The following CYTH3 variants were observed in gnomAD, a reference collection of about 807,000 sequenced individuals.
CYTH3 encodes the protein cytohesin-3.
CYTH3 carries 23 observed loss-of-function variants against 55.1 expected under a neutral mutation model. The observed-to-expected ratio is 0.42, with a 90% CI of 0.30 to 0.59. The LOEUF is 0.59. Among genes scored for constraint, CYTH3 ranks in the 20% least tolerant of loss-of-function variants. The pLI is 0.20. For missense variants in CYTH3, 413 were observed against 524.8 expected, an observed-to-expected ratio of 0.79 and a Z score of 2.08; for synonymous variants, 249 against 194.9, an observed-to-expected ratio of 1.28 and a Z score of -2.31.
chr7:6,174,737 C>G (rs532856094), intron 5 of CYTH3, among the ~76,000 whole-genome samples: 1 of 151,632 alleles, frequency 6.6e-6, no homozygotes, highest in African/African-American at 2.4e-5. Context: ...TTAGTAGAGA[C>G]GGGGTTTCAC....
chr7:6,237,078 T>A (rs565117681), intron 1 of CYTH3, among the ~76,000 whole-genome samples: 1 of 152,262 alleles, frequency 6.6e-6, no homozygotes, highest in Admixed American at 6.5e-5. Flanking sequence ...GAGAAGCAGC[T>A]CAAAGAATTC....
At chr7:6,208,080 T>C (rs943775454) in intron 1 of CYTH3, among the ~76,000 whole-genome samples, 4 of 152,226 alleles carry the variant, frequency 2.6e-5, no homozygotes, top group Admixed American at 6.5e-5. Context: ...TATATATCTA[T>C]CTATTGCTTC....
chr7:6,255,762 T>TC (rs1273615596), intron 1 of CYTH3, among the ~76,000 whole-genome samples: 3 of 134,950 alleles, frequency 2.2e-5, no homozygotes, highest in Admixed American at 1.4e-4. Context: ...TAATCTGTTT[T>TC]TTTTTTTTTT....
intron 1 of CYTH3, among the ~76,000 whole-genome samples, chr7:6,243,253 G>A (rs905074803): frequency 6.6e-6 from 1 of 152,174 alleles, no homozygotes; most frequent in Non-Finnish European, 1.5e-5. Context: ...AGAGCCCAGC[G>A]GGCTGGGCCT....
Position 6,173,444 on chromosome 7 carries a change from C to T in CYTH3, c.449+209G>A, listed in dbSNP as rs115897837. Among the ~76,000 whole-genome samples the T allele has an allele frequency of 1.3e-3, 194 of 152,346 alleles. 1 individual carries two copies. Among genetic ancestry groups the T allele is most frequent in the African/African-American group, 4.5e-3 (186 of 41,578 alleles). On this transcript the variant is annotated intron_variant, in intron 6 of 12. Coordinates refer to ENST00000350796, the MANE Select transcript of CYTH3 (RefSeq NM_004227.4). ...ATCAGCGGCCACAGTGAGGAAAGCA[C>T]GGCCCTTATCTTAAGCGTGTGCCCC...
rs944210138 is a variant in CYTH3 at position 6,164,774 on chromosome 7, C to A, written c.*170G>T. On this transcript the variant is annotated 3_prime_UTR_variant, in exon 13 of 13. Coordinates refer to ENST00000350796, the MANE Select transcript of CYTH3 (RefSeq NM_004227.4). Reference sequence around the variant, plus strand: ...TGCAGGGCGACCACCTCCCAGGACCCCAGCCACGGCACGAGGCCTTGGGGA... The same window carrying A: ...TGCAGGGCGACCACCTCCCAGGACCACAGCCACGGCACGAGGCCTTGGGGA... The A allele has an allele frequency of 4.5e-5, 34 of 751,438 alleles. No individual in the cohort carries two copies. The highest frequency in any genetic ancestry group is 7.3e-5 in the Non-Finnish European group (32 of 440,722). The allele number at this position is 751,438 out of a possible 1,614,324, so 46.5% of individuals were successfully genotyped here.
chr7:6,202,023 G>A (rs1233443229), intron 1 of CYTH3, among the ~76,000 whole-genome samples: 1 of 152,188 alleles, frequency 6.6e-6, no homozygotes, highest in Non-Finnish European at 1.5e-5. Context: ...GAAAAACACA[G>A]CCATGGTATT....
intron 5 of CYTH3, among the ~76,000 whole-genome samples, chr7:6,175,801 C>T (rs532212475): frequency 1.3e-5 from 2 of 152,218 alleles, no homozygotes; most frequent in South Asian, 4.1e-4. Context: ...CCCGTCTCAG[C>T]CTCCCAAAAT....
intron 1 of CYTH3, among the ~76,000 whole-genome samples, chr7:6,271,035 C>T (rs1780636161): frequency 6.6e-6 from 1 of 152,156 alleles, no homozygotes; most frequent in South Asian, 2.1e-4. Context: ...AACAGCTATG[C>T]CCAAATTGTG....
intron 5 of CYTH3, among the ~76,000 whole-genome samples, 166 bp downstream of exon 5, chr7:6,177,657 G>A (rs549520581): frequency 1.3e-5 from 2 of 152,354 alleles, no homozygotes; most frequent in Non-Finnish European, 2.9e-5. Context: ...GAGAGGAACC[G>A]GTTGCACTGG....
intron 1 of CYTH3, among the ~76,000 whole-genome samples, chr7:6,206,821 C>G (rs989145682): frequency 2.0e-5 from 3 of 152,096 alleles, no homozygotes; most frequent in African/African-American, 7.2e-5. Context: ...CCACCTCTAC[C>G]TTATATCCTG....
chr7:6,232,300 G>A (rs868704141), intron 1 of CYTH3, among the ~76,000 whole-genome samples: 1 of 152,082 alleles, frequency 6.6e-6, no homozygotes, highest in Non-Finnish European at 1.5e-5. Context: ...GAAGCACCCC[G>A]GGACACACTC....
intron 1 of CYTH3, among the ~76,000 whole-genome samples, chr7:6,258,352 ATATT>A (rs1276895747): frequency 6.6e-6 from 1 of 151,836 alleles, no homozygotes; most frequent in Non-Finnish European, 1.5e-5. Context: ...AACTCCTCAT[ATATT>A]TATTTGTGAA....
intron 1 of CYTH3, among the ~76,000 whole-genome samples, chr7:6,203,977 A>G (rs549592738): frequency 6.6e-6 from 1 of 152,166 alleles, no homozygotes; most frequent in East Asian, 1.9e-4. Context: ...TCAGCCTCCC[A>G]AAGTGCTGGG....
chr7:6,168,238 T>TC (rs1783067934), intron 9 of CYTH3, among the ~76,000 whole-genome samples: 2 of 151,456 alleles, frequency 1.3e-5, no homozygotes, highest in Non-Finnish European at 2.9e-5. Flanking sequence ...TTTTTTTTTT[T>TC]TCTGGTGATT....
chr7:6,264,776 C>T lies in CYTH3; in HGVS notation c.34+7698G>A, dbSNP rs530345651. Reference sequence around the variant, plus strand: ...TTAACAAATATTTACTGAAAGGCTACTATGTACCAAGCACTGTTCTAGATC... The same window carrying T: ...TTAACAAATATTTACTGAAAGGCTATTATGTACCAAGCACTGTTCTAGATC... On this transcript the variant is annotated intron_variant, in intron 1 of 12. Transcript: ENST00000350796. 2.0e-5 allele frequency among the ~76,000 whole-genome samples: 3 copies of T among 152,312 alleles called. No homozygotes were observed. The South Asian group carries it at 6.2e-4, about 32-fold the overall frequency.
At chr7:6,225,614 T>G (rs574862833) in intron 1 of CYTH3, among the ~76,000 whole-genome samples, 1 of 151,952 alleles carries the variant, frequency 6.6e-6, no homozygotes, top group Admixed American at 6.6e-5. Flanking sequence ...CCTTGGCCTC[T>G]CAAAGTGCTG....
intron 9 of CYTH3, among the ~76,000 whole-genome samples, chr7:6,168,648 C>G (rs1783082444): frequency 6.6e-6 from 1 of 152,254 alleles, no homozygotes; most frequent in African/African-American, 2.4e-5. Flanking sequence ...GCGCTTGGCA[C>G]CCGGCGCCCA....
chr7:6,165,122 T>C, intron 12 of CYTH3, 106 bp from the exon 13 acceptor site: 2 of 1,569,960 alleles, frequency 1.3e-6, no homozygotes, highest in Non-Finnish European at 8.7e-7. Context: ...GGCTCAGATC[T>C]GAACGTCGGC....
Sources: gnomAD v4.1 joint callset for allele counts (sites outside exome capture counted in the v4.1 genomes callset) on GRCh38, gnomAD v4.1.1 for gene constraint, MANE v1.5 for transcripts, NCBI Gene and HGNC (gene_info 2026-07-23, HGNC 2026-07-21) for gene names.